CFTR: variants seen among roughly 807,000 people sequenced by gnomAD.
CFTR encodes cystic fibrosis transmembrane conductance regulator.
CFTR carries 181 observed loss-of-function variants against 171.6 expected under a neutral mutation model. The ratio of observed to expected loss-of-function variants is 1.05; its 90% CI spans 0.93 to 1.19. The LOEUF is 1.19. CFTR is among the 50% of genes most tolerant of loss of function. The probability of loss-of-function intolerance (pLI) is 0.00; values close to 1 mark genes in which losing one functional copy is unlikely to be tolerated. For missense variants in CFTR, 1,968 were observed against 1,734.7 expected, an observed-to-expected ratio of 1.13 and a Z score of -2.39; for synonymous variants, 583 against 608.0, an observed-to-expected ratio of 0.96 and a Z score of 0.60.
intron 11 of CFTR, among the ~76,000 whole-genome samples, chr7:117,574,443 A>G (rs954787706): frequency 6.6e-6 from 1 of 152,066 alleles, no homozygotes. Context: ...CCAAATGTAC[A>G]CATTTCTCTT....
At chr7:117,612,023 G>GTATATATATATATATATATATATATATA (rs772661286) in intron 20 of CFTR, among the ~76,000 whole-genome samples, 6 of 53,228 alleles carry the variant, frequency 1.1e-4, no homozygotes, top group Non-Finnish European at 1.9e-4. Flanking sequence ...ATATATATAT[G>GTATATATATATATATATATATATATATA]TATATATATA....
At chr7:117,654,978 G>C (rs1793145785) in intron 24 of CFTR, among the ~76,000 whole-genome samples, 1 of 152,130 alleles carries the variant, frequency 6.6e-6, no homozygotes, top group Non-Finnish European at 1.5e-5. Flanking sequence ...CATTGTCTTG[G>C]ACTATAAATT....
At chr7:117,511,860 G>C (rs3808187) in intron 3 of CFTR, among the ~76,000 whole-genome samples, 1,614 of 152,204 alleles carry the variant, frequency 0.011, 46 homozygotes, top group Admixed American at 0.073. Flanking sequence ...AGAATAAAAG[G>C]GGGGGAGAAA....
intron 2 of CFTR, among the ~76,000 whole-genome samples, chr7:117,508,482 T>A (rs1314535347): frequency 6.6e-6 from 1 of 152,216 alleles, no homozygotes; most frequent in Non-Finnish European, 1.5e-5. Context: ...ATTTTAGTAG[T>A]TGAAAATGAA....
At chr7:117,591,360 T>C (rs1240861709) in intron 13 of CFTR, among the ~76,000 whole-genome samples, 2 of 152,058 alleles carry the variant, frequency 1.3e-5, no homozygotes, top group Non-Finnish European at 1.5e-5. Context: ...TAGTCAGGAT[T>C]TACTTCTAGA....
At chr7:117,488,283 A>G (rs1209167965) in intron 1 of CFTR, among the ~76,000 whole-genome samples, 3 of 152,136 alleles carry the variant, frequency 2.0e-5, no homozygotes, top group Non-Finnish European at 4.4e-5. Context: ...TTCTATTGCA[A>G]TATGCTTTAA....
In CFTR at chr7:117,611,549, T is replaced by C. The variant is rs367887221; in HGVS notation, c.3140-32T>C. ...GAAATTACATTTTGTGTTTATGTTA[T>C]TTGCAATGTTTTCTATGGAAATATT... On this transcript the variant is annotated intron_variant, in intron 19 of 26. Transcript: ENST00000003084. 4.0e-5 allele frequency: 49 copies of C among 1,233,920 alleles called. No individual in the cohort carries two copies. The African/African-American group carries it at 5.0e-4, about 13-fold the overall frequency. 76.4% of individuals were successfully genotyped at this position (1,233,920 alleles called of 1,614,324 possible). A position where few individuals can be genotyped will look rare whatever the true frequency, so the allele number is the denominator to read the frequency against.
At chr7:117,656,834 C>T (rs898611710) in intron 24 of CFTR, among the ~76,000 whole-genome samples, 36 of 152,124 alleles carry the variant, frequency 2.4e-4, no homozygotes, top group Non-Finnish European at 4.4e-4. Context: ...TTCTGTTTAT[C>T]CCAAATGTTC....
chr7:117,597,195 A>T (rs1196038600), intron 15 of CFTR, among the ~76,000 whole-genome samples: 1 of 152,154 alleles, frequency 6.6e-6, no homozygotes, highest in African/African-American at 2.4e-5. Flanking sequence ...ACTCACTGGG[A>T]AGGTCTGCAG....
intron 11 of CFTR, among the ~76,000 whole-genome samples, chr7:117,574,830 A>C (rs1307665891): frequency 1.3e-5 from 2 of 152,076 alleles, no homozygotes; most frequent in Non-Finnish European, 2.9e-5. Flanking sequence ...GTGGCTTTAA[A>C]ATTTACATAA....
chr7:117,542,137 T>A, intron 9 of CFTR, 29 bp downstream of exon 9: 1 of 1,031,406 alleles, frequency 9.7e-7, no homozygotes, highest in Non-Finnish European at 1.5e-6. Context: ...TTGTTTGCTC[T>A]AAACACCTAA....
intron 23 of CFTR, among the ~76,000 whole-genome samples, chr7:117,647,781 A>G (rs1793016591): frequency 6.6e-6 from 1 of 151,818 alleles, no homozygotes; most frequent in South Asian, 2.1e-4. Flanking sequence ...TTGGCCTCCC[A>G]AAGCACTGGG....
In CFTR at chr7:117,548,630, T is replaced by TG. The variant is rs551227135; in HGVS notation, c.1210-11_1210-10insG. ...GATGTGTGTGTGTGTGTGTGTGTGT[T>TG]TTTTTAACAGGGATTTGGGGAATTA... On this transcript the variant is annotated splice_polypyrimidine_tract_variant and intron_variant, in intron 9 of 26. Transcript: ENST00000003084. The TG allele has an allele frequency of 8.8e-4, 1,346 of 1,538,170 alleles. No homozygotes were observed. The highest frequency in any genetic ancestry group is 5.8e-3 in the East Asian group (254 of 43,430).
At chr7:117,504,440 T>G (rs1474916660) in intron 2 of CFTR, 77 bp downstream of exon 2, 1 of 808,676 alleles carries the variant, frequency 1.2e-6, no homozygotes, top group Non-Finnish European at 2.1e-6. Context: ...AGCAAACATA[T>G]TATAAGTTTA....
At chr7:117,561,822 C>CT (rs1259663380) in intron 11 of CFTR, among the ~76,000 whole-genome samples, 1 of 152,080 alleles carries the variant, frequency 6.6e-6, no homozygotes, top group Non-Finnish European at 1.5e-5. Flanking sequence ...AGCATGGACT[C>CT]TATCTGGGTC....
At chr7:117,644,215 C>T (rs973561094) in intron 23 of CFTR, among the ~76,000 whole-genome samples, 6 of 152,044 alleles carry the variant, frequency 3.9e-5, no homozygotes, top group Non-Finnish European at 7.4e-5. Context: ...GGCTGGCTCT[C>T]AGTATCACAA....
chr7:117,519,368 T>C (rs1798650150), intron 3 of CFTR, among the ~76,000 whole-genome samples: 1 of 152,074 alleles, frequency 6.6e-6, no homozygotes, highest in Non-Finnish European at 1.5e-5. Context: ...TGTATCAAAA[T>C]AGACAAAAAA....
chr7:117,533,245 T>C (rs1798891516), intron 4 of CFTR, among the ~76,000 whole-genome samples: 1 of 152,116 alleles, frequency 6.6e-6, no homozygotes, highest in South Asian at 2.1e-4. Context: ...GCTCTGATAA[T>C]GTTTTGGAAT....
At chr7:117,586,737 C>T (rs1211487401) in intron 11 of CFTR, among the ~76,000 whole-genome samples, 2 of 149,534 alleles carry the variant, frequency 1.3e-5, no homozygotes, top group Non-Finnish European at 3.0e-5. Context: ...GAGGTGGAAA[C>T]GAATGTACAA....
Sources: allele counts gnomAD v4.1 joint callset (sites outside exome capture counted in the v4.1 genomes callset), GRCh38; gene constraint gnomAD v4.1.1; transcripts MANE v1.5; gene names NCBI Gene and HGNC (gene_info 2026-07-23, HGNC 2026-07-21).